The following NPAS3 variants were observed in gnomAD, a reference collection of about 807,000 sequenced individuals.
NPAS3 encodes the protein neuronal PAS domain-containing protein 3.
NPAS3 carries 14 observed loss-of-function variants against 73.1 expected under a neutral mutation model. The observed-to-expected ratio is 0.19, with a 90% CI of 0.13 to 0.30. The LOEUF is 0.30. Among genes scored for constraint, NPAS3 ranks in the 10% least tolerant of loss-of-function variants. NPAS3 has a pLI of 1.00. For synonymous variants in NPAS3, 620 were observed against 541.5 expected (o/e 1.14, Z -2.01); for missense variants, 1,096 against 1,250.0 (o/e 0.88, Z 1.86).
At chr14:33,301,628 G>A (rs1186851836) in intron 3 of NPAS3, among the ~76,000 whole-genome samples, 2 of 151,882 alleles carry the variant, frequency 1.3e-5, no homozygotes, top group African/African-American at 4.8e-5. Context: ...GATAGTTTCT[G>A]AAAAAGTGTA....
intron 4 of NPAS3, among the ~76,000 whole-genome samples, chr14:33,558,469 A>G (rs1219137177): frequency 6.6e-6 from 1 of 152,114 alleles, no homozygotes; most frequent in Non-Finnish European, 1.5e-5. Flanking sequence ...CATGTTGGCC[A>G]TGCTGGTCTT....
chr14:33,262,490 C>A (rs2139963629), intron 3 of NPAS3, among the ~76,000 whole-genome samples: 1 of 152,214 alleles, frequency 6.6e-6, no homozygotes, highest in African/African-American at 2.4e-5. Context: ...GGTAGACACA[C>A]AATTTAAGTG....
At chr14:33,609,487 T>C (rs1171453080) in intron 5 of NPAS3, among the ~76,000 whole-genome samples, 4 of 152,074 alleles carry the variant, frequency 2.6e-5, no homozygotes, top group African/African-American at 9.7e-5. Flanking sequence ...TTGTACATTA[T>C]CATAGGTTCC....
intron 3 of NPAS3, among the ~76,000 whole-genome samples, chr14:33,333,633 G>T (rs1488036389): frequency 3.9e-5 from 6 of 152,224 alleles, no homozygotes; most frequent in African/African-American, 1.4e-4. Flanking sequence ...AAGAATCCTT[G>T]AGAGAGTGTG....
chr14:33,346,422 G>T (rs991894237), intron 3 of NPAS3, among the ~76,000 whole-genome samples: 1 of 151,452 alleles, frequency 6.6e-6, no homozygotes, highest in Non-Finnish European at 1.5e-5. Flanking sequence ...CCAGCTACTT[G>T]GGAGGTGAGG....
At chr14:33,562,075 A>G (rs1029551758) in intron 5 of NPAS3, among the ~76,000 whole-genome samples, 2 of 152,198 alleles carry the variant, frequency 1.3e-5, no homozygotes, top group Admixed American at 6.5e-5. Context: ...GCATATGCAC[A>G]TATATGGATC....
At chr14:33,513,348 T>A (rs549175679) in intron 4 of NPAS3, among the ~76,000 whole-genome samples, 1 of 152,166 alleles carries the variant, frequency 6.6e-6, no homozygotes, top group South Asian at 2.1e-4. Context: ...TAGAATTCTG[T>A]TATAAGACTG....
rs542915721 is a variant in NPAS3, at chr14:33,056,202, T to C, written c.140+208T>C. 2.0e-5 allele frequency among the ~76,000 whole-genome samples: 3 copies of C among 152,334 alleles called. No homozygotes were observed. The East Asian group carries it at 5.8e-4, about 29-fold the overall frequency. On this transcript the variant is annotated intron_variant, in intron 2 of 11. Coordinates refer to ENST00000356141, the Ensembl canonical transcript of NPAS3. ...TGAGATCAAGACAGAAAAAAAATGT[T>C]TATTTTTTTGAAATTGTGGTCTAAA...
chr14:33,011,413 A>AT (rs1209677837), intron 1 of NPAS3, among the ~76,000 whole-genome samples: 5 of 152,168 alleles, frequency 3.3e-5, no homozygotes, highest in African/African-American at 7.2e-5. Flanking sequence ...GACTGAGACG[A>AT]TGTAGACATG....
chr14:33,646,853 T>G lies in NPAS3; in HGVS notation c.559-29358T>G, dbSNP rs181852631. Among the ~76,000 whole-genome samples the G allele has an allele frequency of 2.3e-3, 354 of 152,228 alleles. 7 individuals are homozygous for G. In the East Asian group the frequency reaches 0.057, roughly 25 times the overall value. Reference sequence around the variant, plus strand: ...GAGTGGGTCCTTATTTATAACATTTTTTTTTTACCTCTGTGGATCCAGAAA... The same window carrying G: ...GAGTGGGTCCTTATTTATAACATTTGTTTTTTACCTCTGTGGATCCAGAAA... On this transcript the variant is annotated intron_variant, in intron 5 of 11. Transcript: ENST00000356141.
intron 4 of NPAS3, among the ~76,000 whole-genome samples, chr14:33,549,434 C>G (rs1327060667): frequency 1.3e-5 from 2 of 152,112 alleles, no homozygotes; most frequent in African/African-American, 4.8e-5. Flanking sequence ...AAGGCTTCAT[C>G]ATGTTGCCAG....
intron 5 of NPAS3, among the ~76,000 whole-genome samples, chr14:33,574,089 G>C (rs1029842932): frequency 1.3e-5 from 2 of 152,176 alleles, no homozygotes; most frequent in African/African-American, 4.8e-5. Flanking sequence ...TGGGTTCAAA[G>C]TTCCAGGTTG....
rs201843040 is a variant in NPAS3 at position 33,301,314 on chromosome 14, ATATATATATT to A, written c.386-65870_386-65861del. On this transcript the variant is annotated intron_variant, in intron 3 of 11. Coordinates refer to ENST00000356141, the Ensembl canonical transcript of NPAS3. ...CCACCTAGGTTTTATCATTATATAT[ATATATATATT>A]TTTTTTTTTTAAATCTAGCTGTAAT... 2.7e-4 allele frequency among the ~76,000 whole-genome samples: 27 copies of A among 98,216 alleles called. 2 individuals carry two copies. The highest frequency in any genetic ancestry group is 7.9e-4 in the Admixed American group (7 of 8,874). The allele number at this position is 98,216 out of a possible 152,430, so 64.4% of individuals were successfully genotyped here. A position where few individuals can be genotyped will look rare whatever the true frequency, so the allele number is the denominator to read the frequency against.
chr14:33,647,486 G>C (rs1366477653), intron 5 of NPAS3, among the ~76,000 whole-genome samples: 3 of 151,938 alleles, frequency 2.0e-5, no homozygotes, highest in Non-Finnish European at 4.4e-5. Context: ...TGATCTAGTT[G>C]TTAGTCATTC....
In NPAS3 at chr14:33,560,117, G is replaced by A. The variant is rs1389117008; in HGVS notation, c.469-4G>A. The A allele has an allele frequency of 1.2e-6, 1 of 852,144 alleles. No individual in the cohort carries two copies. The highest frequency in any genetic ancestry group is 1.4e-5 in the South Asian group (1 of 71,706). The allele number at this position is 852,144 out of a possible 1,614,324, so 52.8% of individuals were successfully genotyped here. On this transcript the variant is annotated splice_polypyrimidine_tract_variant and splice_region_variant and intron_variant, in intron 4 of 11. Coordinates refer to ENST00000356141, the Ensembl canonical transcript of NPAS3. ...TATTTATATATTTATTCTTTTTCCT[G>A]CAGTCCCTGGATGGCTTTGTATTTG...
At position 33,769,514 on chromosome 14, in the gene NPAS3, ATC is replaced by A. The variant is rs1476547012; in HGVS notation, c.853-4819_853-4818del. 1.2e-4 allele frequency among the ~76,000 whole-genome samples: 19 copies of A among 152,088 alleles called. 1 individual carries two copies. The highest frequency in any genetic ancestry group is 6.3e-3 in the Middle Eastern group (2 of 316). On this transcript the variant is annotated intron_variant, in intron 7 of 11. Coordinates refer to ENST00000356141, the Ensembl canonical transcript of NPAS3. ...TTGATTGTACTGCCATCTGGGCCCC[ATC>A]TCTGTCTTTTCTCCTGCTGACACCA...
chr14:33,784,793 C>T (rs2063116771), intron 9 of NPAS3, among the ~76,000 whole-genome samples: 1 of 113,224 alleles, frequency 8.8e-6, no homozygotes, highest in Admixed American at 1.0e-4. Context: ...TCTTGTTGCC[C>T]AGGCTGGAGT....
At chr14:33,494,377 G>A (rs1381825404) in intron 4 of NPAS3, among the ~76,000 whole-genome samples, 3 of 152,098 alleles carry the variant, frequency 2.0e-5, no homozygotes, top group Admixed American at 1.3e-4. Flanking sequence ...ATGCAGTGTC[G>A]CTGTGTGAAA....
At chr14:33,388,026 G>A (rs1450342571) in intron 4 of NPAS3, among the ~76,000 whole-genome samples, 1 of 152,164 alleles carries the variant, frequency 6.6e-6, no homozygotes, top group Non-Finnish European at 1.5e-5. Flanking sequence ...GAGAGGAGGT[G>A]CCATAGGGGT....
Sources: gnomAD v4.1 joint callset for allele counts (sites outside exome capture counted in the v4.1 genomes callset) on GRCh38, gnomAD v4.1.1 for gene constraint, MANE v1.5 for transcripts, NCBI Gene and HGNC (gene_info 2026-07-23, HGNC 2026-07-21) for gene names.